Variants in SHROOM2 observed in about 807,000 individuals in gnomAD.
The protein encoded by SHROOM2 is protein Shroom2.
A neutral mutation model predicts 75.9 loss-of-function variants in SHROOM2; 33 were observed. The observed-to-expected ratio is 0.43, with a 90% CI of 0.33 to 0.58. The LOEUF (loss-of-function observed/expected upper bound fraction) is 0.58. Among genes scored for constraint, SHROOM2 ranks in the 20% least tolerant of loss-of-function variants. The pLI, the probability that SHROOM2 is intolerant of heterozygous loss-of-function variation, is 0.04. For missense variants in SHROOM2, 1,434 were observed against 1,461.2 expected, an observed-to-expected ratio of 0.98 and a Z score of 0.30; for synonymous variants, 655 against 663.6, an observed-to-expected ratio of 0.99 and a Z score of 0.20.
rs200251672 is a variant in SHROOM2, at chrX:9,937,284, G to C, written c.3738G>C (p.Gln1246His). ...PALPHGLEKD[Q>H]IKTLSTSEQF... ...TGCCCCACGGGCTGGAGAAAGACCA[G>C]ATCAAGACGCTGAGCACATCTGAGC... The change falls in exon 7 of 10, where the codon CAG becomes CAC. Residue 1246 changes from glutamine (Q) to histidine (H), a missense_variant. Coordinates refer to ENST00000380913, the MANE Select transcript of SHROOM2 (RefSeq NM_001649.4). 154 of 1,209,181 alleles carry C rather than the reference G, an allele frequency of 1.3e-4. No homozygotes were observed. Among genetic ancestry groups the C allele is most frequent in the South Asian group, 3.5e-4 (20 of 56,533 alleles).
At chrX:9,825,022 C>T (rs1406578802) in intron 1 of SHROOM2, among the ~76,000 whole-genome samples, 5 of 111,251 alleles carry the variant, frequency 4.5e-5, no homozygotes, top group African/African-American at 1.6e-4. Flanking sequence ...TTCCCTTCTA[C>T]TTATCTTGTT....
Position 9,859,636 on chromosome X carries a change from T to G in SHROOM2, c.166-14016T>G, listed in dbSNP as rs1601949839. ...ACAGCAGCGATGGGGGTGCATGGTG[T>G]TTCCAGAGGGGACCCAGTAAACAAA... On this transcript the variant is annotated intron_variant, in intron 1 of 9. Transcript: ENST00000380913. Among the ~76,000 whole-genome samples, 3 of 111,418 alleles carry G rather than the reference T, an allele frequency of 2.7e-5. No individual in the cohort carries two copies. The South Asian group carries it at 1.1e-3, about 43-fold the overall frequency.
intron 5 of SHROOM2, among the ~76,000 whole-genome samples, chrX:9,917,502 T>TTTGTTGTTGTTGTTG (rs35611302): frequency 2.4e-5 from 2 of 84,182 alleles, no homozygotes; most frequent in African/African-American, 7.8e-5. Context: ...ATTGTGGTTC[T>TTTGTTGTTGTTGTTG]TTGTTGTTGT....
intron 1 of SHROOM2, among the ~76,000 whole-genome samples, chrX:9,807,200 C>T (rs1358606547): frequency 8.9e-6 from 1 of 112,166 alleles, no homozygotes; most frequent in African/African-American, 3.2e-5. Context: ...GGGTCACAGC[C>T]AGCCCCGTCG....
At chrX:9,939,937 C>T (rs1414588218) in intron 8 of SHROOM2, among the ~76,000 whole-genome samples, 1 of 111,260 alleles carries the variant, frequency 9.0e-6, no homozygotes, top group African/African-American at 3.3e-5. Flanking sequence ...CAGGCACCTG[C>T]CACCAAGCCT....
At chrX:9,786,784 G>T in intron 1 of SHROOM2, 74 bp downstream of exon 1, 2 of 747,776 alleles carry the variant, frequency 2.7e-6, no homozygotes, top group Non-Finnish European at 3.3e-6. Flanking sequence ...AGGTAGGGGC[G>T]CGGGAGGGGC....
At chrX:9,849,377 C>T (rs2084025875) in intron 1 of SHROOM2, among the ~76,000 whole-genome samples, 1 of 112,140 alleles carries the variant, frequency 8.9e-6, no homozygotes, top group Non-Finnish European at 1.9e-5. Context: ...CCCCACAGTT[C>T]GCCCTGAAAC....
At chrX:9,800,174 ATGCATACTGC>A (rs2083716683) in intron 1 of SHROOM2, among the ~76,000 whole-genome samples, 1 of 111,340 alleles carries the variant, frequency 9.0e-6, no homozygotes, top group African/African-American at 3.3e-5. Context: ...AGTCTGTAAC[ATGCATACTGC>A]TGCTCACCTC....
intron 1 of SHROOM2, among the ~76,000 whole-genome samples, chrX:9,837,941 G>T (rs1383867383): frequency 9.0e-6 from 1 of 111,248 alleles, no homozygotes; most frequent in Non-Finnish European, 1.9e-5. Context: ...GGGCATCGGG[G>T]TCACCATTAG....
chrX:9,893,968 C>A (rs201510568), intron 3 of SHROOM2, among the ~76,000 whole-genome samples: 1,153 of 100,824 alleles, frequency 0.011, 27 homozygotes, highest in East Asian at 0.11. Context: ...AAAAAAAAAA[C>A]CAAAATCAAC....
chrX:9,937,186 A>G lies in SHROOM2; in HGVS notation c.3640A>G (p.Ile1214Val). Residue 1214 changes from isoleucine to valine, a missense_variant, in exon 7 of 10, where the codon ATC (isoleucine) becomes GTC (valine). By Grantham distance (29) the Ile-to-Val change is conservative (BLOSUM62 3). Transcript: ENST00000380913. ...NTTVKMVPIK[I>V]VHSESQPEKE... ...CACGGTGAAGATGGTGCCCATCAAGATCGTGCACTCGGAGAGCCAGCCAGA... is the reference window on the plus strand; with the variant it reads ...CACGGTGAAGATGGTGCCCATCAAGGTCGTGCACTCGGAGAGCCAGCCAGA... 1 of 1,203,786 alleles carries G rather than the reference A, an allele frequency of 8.3e-7. No homozygotes were observed.
chrX:9,856,992 A>G (rs1473017190), intron 1 of SHROOM2, among the ~76,000 whole-genome samples: 1 of 112,371 alleles, frequency 8.9e-6, no homozygotes, highest in Non-Finnish European at 1.9e-5. Flanking sequence ...GATGGCTGCC[A>G]GGGATCCTCT....
chrX:9,873,635 A>T lies in SHROOM2; in HGVS notation c.166-17A>T, dbSNP rs1280269467. The T allele has an allele frequency of 7.4e-6, 9 of 1,209,527 alleles. No individual in the cohort carries two copies. The highest frequency in any genetic ancestry group is 1.0e-5 in the Non-Finnish European group (9 of 894,707). On this transcript the variant is annotated splice_polypyrimidine_tract_variant and intron_variant, in intron 1 of 9. Coordinates refer to ENST00000380913, the MANE Select transcript of SHROOM2 (RefSeq NM_001649.4). ...GCTGCTCGTGGAAGGCTCATGGAAC[A>T]TGCTTCTCTGTTACAGATTGAAGAG...
At chrX:9,821,324 G>A (rs1569141587) in intron 1 of SHROOM2, among the ~76,000 whole-genome samples, 1 of 111,923 alleles carries the variant, frequency 8.9e-6, no homozygotes, top group Middle Eastern at 4.6e-3. Flanking sequence ...CACTGAAATC[G>A]GAACCAGTTT....
At position 9,824,279 on chromosome X, in the gene SHROOM2, CA is replaced by C. The variant is rs1384935336; in HGVS notation, c.165+37581del. On this transcript the variant is annotated intron_variant, in intron 1 of 9. Coordinates refer to ENST00000380913, the MANE Select transcript of SHROOM2 (RefSeq NM_001649.4). ...AGAAACCTCGCCTCTACTAAAAATA[CA>C]AAAAAAAAAAAGCTGGGCGTGGTGG... Among the ~76,000 whole-genome samples the C allele has an allele frequency of 5.4e-3, 504 of 94,195 alleles. 2 individuals are homozygous for C. Among genetic ancestry groups the C allele is most frequent in the African/African-American group, 0.015 (397 of 26,076 alleles). 81.8% of individuals were successfully genotyped at this position (94,195 alleles called of 115,157 possible). A position where few individuals can be genotyped will look rare whatever the true frequency, so the allele number is the denominator to read the frequency against.
intron 1 of SHROOM2, among the ~76,000 whole-genome samples, chrX:9,855,301 A>T (rs2084062844): frequency 1.9e-5 from 2 of 103,300 alleles, no homozygotes; most frequent in South Asian, 4.4e-4. Flanking sequence ...ATAGTAAAAA[A>T]AAAAAAAAAA....
At chrX:9,835,332 T>G (rs201802640) in intron 1 of SHROOM2, among the ~76,000 whole-genome samples, 1 of 111,662 alleles carries the variant, frequency 9.0e-6, no homozygotes, top group East Asian at 2.8e-4. Flanking sequence ...CTCTCTTCCC[T>G]CCTCCCTGTC....
rs901154776 is a variant in SHROOM2, at chrX:9,948,927, C to A, written c.*1990C>A. ...AGTATTTTGTTTGGCAGAGCTTTTA[C>A]CTGTTATTCTTTGCCCTCAAATACA... is the stretch of plus-strand genomic sequence containing the variant. On this transcript the variant is annotated 3_prime_UTR_variant, in exon 10 of 10. Coordinates refer to ENST00000380913, the MANE Select transcript of SHROOM2 (RefSeq NM_001649.4). 4.2e-5 allele frequency: 5 copies of A among 118,511 alleles called. No individual in the cohort carries two copies. In the Admixed American group the frequency reaches 4.3e-4, roughly 10 times the overall value. The allele number at this position is 118,511 out of a possible 1,213,427, so 9.8% of individuals were successfully genotyped here.
intron 8 of SHROOM2, among the ~76,000 whole-genome samples, chrX:9,941,721 C>CA (rs2084770537): frequency 9.1e-6 from 1 of 110,412 alleles, no homozygotes; most frequent in Non-Finnish European, 1.9e-5. Context: ...CTTGTAATCC[C>CA]AGCACTTTCG....
Sources: allele counts gnomAD v4.1 joint callset (sites outside exome capture counted in the v4.1 genomes callset), GRCh38; gene constraint gnomAD v4.1.1; transcripts MANE v1.5; gene names NCBI Gene and HGNC (gene_info 2026-07-23, HGNC 2026-07-21).